The following ZNF391 variants were observed in gnomAD, a reference collection of about 807,000 sequenced individuals.
ZNF391 encodes the protein zinc finger protein 391.
For missense variants in ZNF391, 375 were observed against 425.5 expected (o/e 0.88, Z 1.04); for synonymous variants, 126 against 142.1 (o/e 0.89, Z 0.80).
chr6:27,390,818 G>A (rs1761691025), intron 1 of ZNF391, among the ~76,000 whole-genome samples: 1 of 152,126 alleles, frequency 6.6e-6, no homozygotes, highest in South Asian at 2.1e-4. Context: ...TAAATGTTTT[G>A]CCATAGTTTA....
chr6:27,379,973 G>C (rs1305670581), intron 1 of ZNF391, among the ~76,000 whole-genome samples: 1 of 152,172 alleles, frequency 6.6e-6, no homozygotes, highest in African/African-American at 2.4e-5. Flanking sequence ...CCAATCCAGA[G>C]ATATAGTCTT....
upstream of ZNF391, among the ~76,000 whole-genome samples, chr6:27,384,622 T>C (rs1283602303): frequency 6.6e-6 from 1 of 152,208 alleles, no homozygotes; most frequent in Non-Finnish European, 1.5e-5. Context: ...TACTCAATGA[T>C]ATATATATTC....
upstream of ZNF391, among the ~76,000 whole-genome samples, chr6:27,387,797 A>T (rs1761608890): frequency 1.3e-5 from 2 of 152,238 alleles, 1 homozygote; most frequent in Non-Finnish European, 2.9e-5. Flanking sequence ...CTAGAATTAG[A>T]TAGTGACGGT....
At chr6:27,398,117 C>T (rs1761869351) in intron 1 of ZNF391, among the ~76,000 whole-genome samples, 1 of 152,216 alleles carries the variant, frequency 6.6e-6, no homozygotes, top group Non-Finnish European at 1.5e-5. Context: ...TCCTCCAAGG[C>T]TAACCTCCAC....
chr6:27,400,396 C>T lies in ZNF391; in HGVS notation c.26C>T (p.Ala9Val). The change falls in exon 3 of 3, where the codon GCT becomes GTT. Residue 9 changes from alanine to valine, a missense_variant. Physicochemically the swap from Ala to Val is moderately conservative, Grantham distance 64. Transcript: ENST00000244576. ...ATGGAAAGCCTCAGAGGGAATACTG[C>T]TCAGGGTCCTACAAATGAAGAAGAC... MESLRGNT[A>V]QGPTNEEDYK... The T allele has an allele frequency of 1.2e-6, 2 of 1,612,234 alleles. No individual in the cohort carries two copies. The highest frequency in any genetic ancestry group is 1.7e-6 in the Non-Finnish European group (2 of 1,179,386).
Position 27,400,392 on chromosome 6 carries a change from A to G in ZNF391, c.22A>G (p.Thr8Ala). ...AGCAATGGAAAGCCTCAGAGGGAAT[A>G]CTGCTCAGGGTCCTACAAATGAAGA... MESLRGN[T>A]AQGPTNEEDY... The change falls in exon 3 of 3, where the codon ACT (threonine) becomes GCT (alanine). Residue 8 changes from threonine to alanine, a missense_variant. Thr to Ala is a moderately conservative substitution (Grantham distance 58). Coordinates refer to ENST00000244576, the MANE Select transcript of ZNF391 (RefSeq NM_001076781.3). 3.1e-6 allele frequency: 5 copies of G among 1,607,674 alleles called. No homozygotes were observed. Among genetic ancestry groups the G allele is most frequent in the Non-Finnish European group, 4.2e-6 (5 of 1,177,856 alleles).
chr6:27,383,077 G>A (rs1761533689), intron 1 of ZNF391, among the ~76,000 whole-genome samples: 1 of 151,950 alleles, frequency 6.6e-6, no homozygotes, highest in Admixed American at 6.6e-5. Flanking sequence ...CCGAGATTGT[G>A]CCACTGTATT....
At chr6:27,388,733 C>G (rs1761625445), upstream of ZNF391, 1 of 340,416 alleles carries the variant, frequency 2.9e-6, no homozygotes, top group Non-Finnish European at 5.7e-6. Flanking sequence ...AGAGCTGCGA[C>G]CGCTGCTGAT....
chr6:27,392,679 A>G (rs888774940), intron 1 of ZNF391, among the ~76,000 whole-genome samples: 5 of 152,212 alleles, frequency 3.3e-5, no homozygotes, highest in Admixed American at 2.6e-4. Context: ...GATCATGCTG[A>G]TAACCTTCTG....
chr6:27,378,943 A>T (rs1761457754), intron 1 of ZNF391, among the ~76,000 whole-genome samples: 3 of 145,294 alleles, frequency 2.1e-5, no homozygotes, highest in African/African-American at 7.6e-5. Flanking sequence ...AAAAAAAAAA[A>T]GTGTATATTC....
At chr6:27,397,775 A>G (rs1467451464) in intron 1 of ZNF391, among the ~76,000 whole-genome samples, 1 of 152,106 alleles carries the variant, frequency 6.6e-6, no homozygotes, top group Non-Finnish European at 1.5e-5. Context: ...GATTACAGGC[A>G]TGCACCACCA....
In ZNF391 at chr6:27,401,086, A is replaced by G; in HGVS notation, c.716A>G (p.His239Arg). ...AFGDRSTIIQ[H>R]QRIHTGENPY... ...GGTGACCGTTCAACCATAATTCAGC[A>G]TCAACGAATACACACTGGAGAGAAT... The change falls in exon 3 of 3, where the codon CAT becomes CGT. Residue 239 changes from histidine (H) to arginine (R), a missense_variant. Physicochemically the swap from His to Arg is conservative, Grantham distance 29. Coordinates refer to ENST00000244576, the MANE Select transcript of ZNF391 (RefSeq NM_001076781.3). 6.2e-7 allele frequency: 1 copy of G among 1,614,266 alleles called. No individual in the cohort carries two copies. Among genetic ancestry groups the G allele is most frequent in the Non-Finnish European group, 8.5e-7 (1 of 1,180,040 alleles).
In ZNF391 at chr6:27,389,088, A is replaced by G. The variant is rs4713091; in HGVS notation, c.-188+13A>G. On this transcript the variant is annotated intron_variant, in intron 1 of 2. Coordinates refer to ENST00000244576, the MANE Select transcript of ZNF391 (RefSeq NM_001076781.3). ...CCCCGGGACCAAGGTGGGTGCTCTTAGAGGTTCTGGAAAGCGGAAACACGG... is the reference window on the plus strand; with the variant it reads ...CCCCGGGACCAAGGTGGGTGCTCTTGGAGGTTCTGGAAAGCGGAAACACGG... 0.98 allele frequency: 447,640 copies of G among 456,586 alleles called. 219,649 individuals are homozygous for G. The highest frequency in any genetic ancestry group is 1 in the Middle Eastern group (3,067 of 3,072). 28.3% of individuals were successfully genotyped at this position (456,586 alleles called of 1,614,324 possible).
chr6:27,401,173 A>G lies in ZNF391; in HGVS notation c.803A>G (p.Gln268Arg). ...FSWISSLTEH[Q>R]RTHTGENPYE... ...TGGATCTCATCGCTTACTGAACATC[A>G]GAGAACACACACTGGGGAGAACCCC... Residue 268 changes from glutamine to arginine, a missense_variant, in exon 3 of 3, where the codon CAG becomes CGG. Physicochemically the swap from Gln to Arg is conservative, Grantham distance 43 (BLOSUM62 1). Coordinates refer to ENST00000244576, the MANE Select transcript of ZNF391 (RefSeq NM_001076781.3). 2 of 1,614,232 alleles carry G rather than the reference A, an allele frequency of 1.2e-6. No homozygotes were observed. The highest frequency in any genetic ancestry group is 1.7e-6 in the Non-Finnish European group (2 of 1,180,022).
chr6:27,389,202 G>A (rs1248596729), intron 1 of ZNF391, 127 bp downstream of exon 1: 2 of 456,570 alleles, frequency 4.4e-6, no homozygotes, highest in Admixed American at 4.7e-5. Flanking sequence ...ACGCCGCGTG[G>A]CGTGGGGTCA....
rs1761982151 is a variant in ZNF391 at position 27,402,003 on chromosome 6, G to A, written c.*556G>A. The A allele has an allele frequency of 6.6e-6, 1 of 152,148 alleles. No individual in the cohort carries two copies. Among genetic ancestry groups the A allele is most frequent in the African/African-American group, 2.4e-5 (1 of 41,404 alleles). The allele number at this position is 152,148 out of a possible 1,614,324, so 9.4% of individuals were successfully genotyped here. Reference sequence around the variant, plus strand: ...ACCAGTCTGGGGATAATAGTGTTGAGGCAAATTCATTCTCTTGACTTGCAA... The same window carrying A: ...ACCAGTCTGGGGATAATAGTGTTGAAGCAAATTCATTCTCTTGACTTGCAA... On this transcript the variant is annotated 3_prime_UTR_variant, in exon 3 of 3. Coordinates refer to ENST00000244576, the MANE Select transcript of ZNF391 (RefSeq NM_001076781.3).
intron 1 of ZNF391, among the ~76,000 whole-genome samples, chr6:27,392,517 G>C (rs1382066949): frequency 6.6e-6 from 1 of 152,210 alleles, no homozygotes; most frequent in Non-Finnish European, 1.5e-5. Context: ...CTCCCAAAGT[G>C]CTGGGATTAT....
Position 27,388,896 on chromosome 6 carries a change from A to G in ZNF391, c.-367A>G. 1 of 456,258 alleles carries G rather than the reference A, an allele frequency of 2.2e-6. No individual in the cohort carries two copies. Among genetic ancestry groups the G allele is most frequent in the Non-Finnish European group, 4.4e-6 (1 of 226,814 alleles). The allele number at this position is 456,258 out of a possible 1,614,324, so 28.3% of individuals were successfully genotyped here. On this transcript the variant is annotated 5_prime_UTR_variant, in exon 1 of 3. Transcript: ENST00000244576. ...TGAGTGGAAGAGTGCCTGTGATCTT[A>G]GGGAACCTGATGGGCGTTGGAGCAG...
At chr6:27,386,927 G>C (rs1761592090), upstream of ZNF391, among the ~76,000 whole-genome samples, 1 of 151,978 alleles carries the variant, frequency 6.6e-6, no homozygotes, top group Non-Finnish European at 1.5e-5. Flanking sequence ...TATCAAAAGA[G>C]AGAAAAACTT....
Sources: allele counts gnomAD v4.1 joint callset (sites outside exome capture counted in the v4.1 genomes callset), GRCh38; gene constraint gnomAD v4.1.1; transcripts MANE v1.5; gene names NCBI Gene and HGNC (gene_info 2026-07-23, HGNC 2026-07-21).